IDH3A: variants seen among roughly 807,000 people sequenced by gnomAD.
IDH3A encodes the protein isocitrate dehydrogenase (NAD(+)) 3 catalytic subunit alpha.
In IDH3A, 23 loss-of-function variants were observed where a neutral mutation model predicts 43.3. The ratio of observed to expected loss-of-function variants is 0.53; its 90% CI spans 0.38 to 0.75. IDH3A has a LOEUF of 0.75. Among genes scored for constraint, IDH3A ranks in the 30% least tolerant of loss-of-function variants. The pLI, the probability that IDH3A is intolerant of heterozygous loss-of-function variation, is 0.00. For missense variants in IDH3A, 329 were observed against 474.4 expected, an observed-to-expected ratio of 0.69 and a Z score of 2.85; for synonymous variants, 154 against 163.5, an observed-to-expected ratio of 0.94 and a Z score of 0.44.
At chr15:78,157,021 A>G in intron 2 of IDH3A, 1 of 1,291,506 alleles carries the variant, frequency 7.7e-7, no homozygotes, top group Non-Finnish European at 1.0e-6. Flanking sequence ...TTCCCTGAGT[A>G]CCAAAACAGA....
At chr15:78,166,806 A>C (rs894999586) in intron 10 of IDH3A, among the ~76,000 whole-genome samples, 10 of 151,682 alleles carry the variant, frequency 6.6e-5, no homozygotes, top group African/African-American at 2.2e-4. Context: ...TAATTTTTGT[A>C]TTTTTAGTAG....
chr15:78,152,623 G>T (rs1297946663), intron 1 of IDH3A, among the ~76,000 whole-genome samples: 1 of 152,114 alleles, frequency 6.6e-6, no homozygotes, highest in Non-Finnish European at 1.5e-5. Flanking sequence ...GCCTCCCAAA[G>T]TGCTGGGATT....
In IDH3A at chr15:78,158,474, T is replaced by A. The variant is rs1237354810; in HGVS notation, c.174+843T>A. Among the ~76,000 whole-genome samples, 29 of 111,350 alleles carry A rather than the reference T, an allele frequency of 2.6e-4. 1 individual carries two copies. The highest frequency in any genetic ancestry group is 4.4e-4 in the African/African-American group (13 of 29,620). 73.0% of individuals were successfully genotyped at this position (111,350 alleles called of 152,430 possible). ...ATATATATATATATATTTTTTTTTT[T>A]TTTTTTTTTTTTTTTTTTTGAGACA... On this transcript the variant is annotated intron_variant, in intron 3 of 10. Transcript: ENST00000299518.
intron 1 of IDH3A, chr15:78,150,825 C>T (rs540018265): frequency 3.9e-5 from 6 of 152,340 alleles, no homozygotes; most frequent in African/African-American, 1.4e-4. Context: ...TCACCCTCTT[C>T]AGACCCAGAT....
chr15:78,157,179 A>C, intron 2 of IDH3A: 1 of 1,110,764 alleles, frequency 9.0e-7, no homozygotes, highest in Non-Finnish European at 1.1e-6. Flanking sequence ...GAACATTGTT[A>C]ATTTTTTGTT....
intron 2 of IDH3A, chr15:78,157,131 A>G: frequency 8.9e-7 from 1 of 1,124,732 alleles, no homozygotes; most frequent in Non-Finnish European, 1.1e-6. Context: ...AAAGGAAAAC[A>G]CTTGCCTTCA....
chr15:78,169,689 A>C lies in IDH3A; in HGVS notation c.*684A>C, dbSNP rs1348240245. 6.6e-5 allele frequency: 10 copies of C among 152,330 alleles called. No homozygotes were observed. Among genetic ancestry groups the C allele is most frequent in the African/African-American group, 9.6e-5 (4 of 41,576 alleles). 9.4% of individuals were successfully genotyped at this position (152,330 alleles called of 1,614,324 possible). A position where few individuals can be genotyped will look rare whatever the true frequency, so the allele number is the denominator to read the frequency against. ...AAAGACACAAATGTATTGTGTGTTC[A>C]ATTATTTTGTTGTCTTGAGATTTAA... On this transcript the variant is annotated 3_prime_UTR_variant, in exon 11 of 11. Transcript: ENST00000299518.
rs1271001430 is a variant in IDH3A, at chr15:78,157,594, T to G, written c.137T>G (p.Ile46Ser). The change falls in exon 3 of 11, where the codon ATT becomes AGT. Residue 46 changes from isoleucine to serine, a missense_variant. By Grantham distance (142) the Ile-to-Ser change is moderately radical. Transcript: ENST00000299518. ...CCAGGAGATGGTATTGGCCCAGAAA[T>G]TTCAGCTGCAGTTATGAAGATTTTT... ...LIPGDGIGPE[I>S]SAAVMKIFDA... 1.2e-6 allele frequency: 2 copies of G among 1,613,198 alleles called. No individual in the cohort carries two copies. Among genetic ancestry groups the G allele is most frequent in the Non-Finnish European group, 1.7e-6 (2 of 1,179,516 alleles).
At chr15:78,156,738 T>C (rs773096886) in intron 2 of IDH3A, among the ~76,000 whole-genome samples, 1 of 152,248 alleles carries the variant, frequency 6.6e-6, no homozygotes, top group Non-Finnish European at 1.5e-5. Context: ...AAAGAGGTGC[T>C]GATCTTCTCC....
chr15:78,166,211 T>C lies in IDH3A; in HGVS notation c.926T>C (p.Leu309Pro). 1.9e-6 allele frequency: 3 copies of C among 1,614,062 alleles called. No homozygotes were observed. Among genetic ancestry groups the C allele is most frequent in the Non-Finnish European group, 2.5e-6 (3 of 1,179,916 alleles). Reference protein sequence around the residue: ...KDMANPTALLLSAVMMLRHMG... With the variant: ...KDMANPTALLPSAVMMLRHMG... Reference sequence around the variant, plus strand: ...ATGGCGAATCCCACAGCCCTCCTGCTCAGTGCCGTGATGATGCTGCGCCAC... The same window carrying C: ...ATGGCGAATCCCACAGCCCTCCTGCCCAGTGCCGTGATGATGCTGCGCCAC... Residue 309 changes from leucine (L) to proline (P), a missense_variant, in exon 10 of 11, where the codon CTC (leucine) becomes CCC (proline). By Grantham distance (98) the Leu-to-Pro change is moderately conservative (BLOSUM62 -3). Transcript: ENST00000299518.
chr15:78,151,959 C>G (rs950208719), intron 1 of IDH3A, among the ~76,000 whole-genome samples: 1 of 151,544 alleles, frequency 6.6e-6, no homozygotes, highest in Non-Finnish European at 1.5e-5. Context: ...GCTGATTGGT[C>G]AGGTCTTCTG....
intron 9 of IDH3A, among the ~76,000 whole-genome samples, chr15:78,165,642 T>C (rs1254650035): frequency 1.3e-5 from 2 of 152,104 alleles, no homozygotes; most frequent in African/African-American, 4.8e-5. Flanking sequence ...CATATTTTTA[T>C]ACTTAAAAAA....
rs1057015876 is a variant in IDH3A, at chr15:78,162,515, C to T, written c.611+148C>T. On this transcript the variant is annotated intron_variant, in intron 6 of 10. Coordinates refer to ENST00000299518, the MANE Select transcript of IDH3A (RefSeq NM_005530.3). ...AACAATCCAAAGATACGGCATCTCT[C>T]TTCTGTCGGAGTCTCCTCTTTTCTC... The T allele has an allele frequency of 4.4e-5, 32 of 730,572 alleles. No homozygotes were observed. The South Asian group carries it at 6.3e-4, about 14-fold the overall frequency. The allele number at this position is 730,572 out of a possible 1,614,324, so 45.3% of individuals were successfully genotyped here.
At chr15:78,157,912 C>A (rs1026463217) in intron 3 of IDH3A, among the ~76,000 whole-genome samples, 8 of 151,830 alleles carry the variant, frequency 5.3e-5, no homozygotes, top group Non-Finnish European at 1.2e-4. Flanking sequence ...ATCCTCCCAC[C>A]TTCACCTCCC....
At chr15:78,154,856 CCGAAT>C in intron 1 of IDH3A, 1 of 170,972 alleles carries the variant, frequency 5.8e-6, no homozygotes, top group Non-Finnish European at 1.2e-5. Context: ...CCTAAATTGA[CCGAAT>C]GGTCAAGAAT....
rs1314987472 is a variant in IDH3A at position 78,163,037 on chromosome 15, G to C, written c.612-470G>C. Among the ~76,000 whole-genome samples, 5 of 152,124 alleles carry C rather than the reference G, an allele frequency of 3.3e-5. No individual in the cohort carries two copies. The South Asian group carries it at 1.0e-3, about 32-fold the overall frequency. On this transcript the variant is annotated intron_variant, in intron 6 of 10. Transcript: ENST00000299518. Reference sequence around the variant, plus strand: ...CGTACGTTTTAGAAGTGGAATAGTGGGAGGCTTAAAGTAGTGCTAACAATA... The same window carrying C: ...CGTACGTTTTAGAAGTGGAATAGTGCGAGGCTTAAAGTAGTGCTAACAATA...
At chr15:78,156,846 C>T in intron 2 of IDH3A, 1 of 1,253,170 alleles carries the variant, frequency 8.0e-7, no homozygotes, top group Middle Eastern at 2.2e-4. Context: ...CAATAATTGT[C>T]ATTCTAAGTG....
At position 78,157,573 on chromosome 15, in the gene IDH3A, G is replaced by C; in HGVS notation, c.116G>C (p.Gly39Ala). The C allele has an allele frequency of 6.2e-7, 1 of 1,612,010 alleles. No homozygotes were observed. Among genetic ancestry groups the C allele is most frequent in the Non-Finnish European group, 8.5e-7 (1 of 1,178,864 alleles). ...GGVQTVTLIP[G>A]DGIGPEISAA... The stretch of plus-strand genomic sequence containing the variant: ...GTTCAGACAGTAACTTTAATTCCAG[G>C]AGATGGTATTGGCCCAGAAATTTCA... The change falls in exon 3 of 11, where the codon GGA becomes GCA. Residue 39 changes from glycine to alanine, a missense_variant. Gly to Ala is a moderately conservative substitution (Grantham distance 60). Around this residue, in one of 3 missense-constraint regions of IDH3A, gnomAD observed 212 missense variants for 345.5 expected, o/e 0.61. Coordinates refer to ENST00000299518, the MANE Select transcript of IDH3A (RefSeq NM_005530.3).
In IDH3A at chr15:78,165,558, C is replaced by T. The variant is rs1403447789; in HGVS notation, c.864+482C>T. 3.3e-5 allele frequency among the ~76,000 whole-genome samples: 5 copies of T among 152,146 alleles called. 1 individual carries two copies. In the South Asian group the frequency reaches 1.0e-3, roughly 32 times the overall value. ...ATGTTTGGTTTATCTCTTCATTTCCCTCCAGGTATTTATTATGTATCCTTC... is the reference window on the plus strand; with the variant it reads ...ATGTTTGGTTTATCTCTTCATTTCCTTCCAGGTATTTATTATGTATCCTTC... On this transcript the variant is annotated intron_variant, in intron 9 of 10. Coordinates refer to ENST00000299518, the MANE Select transcript of IDH3A (RefSeq NM_005530.3).
Sources: allele counts gnomAD v4.1 joint callset (sites outside exome capture counted in the v4.1 genomes callset), GRCh38; gene constraint gnomAD v4.1.1; regional missense constraint gnomAD v4.1.1; transcripts MANE v1.5; gene names NCBI Gene and HGNC (gene_info 2026-07-23, HGNC 2026-07-21).